FOXP1: variants seen among roughly 807,000 people sequenced by gnomAD.
The protein encoded by FOXP1 is forkhead box P1.
In FOXP1, 15 loss-of-function variants were observed where a neutral mutation model predicts 98.2. The ratio of observed to expected loss-of-function variants is 0.15; its 90% CI spans 0.10 to 0.24. The LOEUF is 0.24. Among genes scored for constraint, FOXP1 ranks in the 10% least tolerant of loss-of-function variants. FOXP1 has a pLI of 1.00. For synonymous variants in FOXP1, 371 were observed against 314.5 expected, an observed-to-expected ratio of 1.18 and a Z score of -1.90; for missense variants, 633 against 848.5, an observed-to-expected ratio of 0.75 and a Z score of 3.15.
At chr3:71,247,644 ATC>A (rs2067857654) in intron 5 of FOXP1, among the ~76,000 whole-genome samples, 1 of 152,212 alleles carries the variant, frequency 6.6e-6, no homozygotes, top group African/African-American at 2.4e-5. Flanking sequence ...GGTAGTGGAT[ATC>A]TGTTGTTTTT....
At chr3:71,180,312 C>G (rs1474190692) in intron 6 of FOXP1, among the ~76,000 whole-genome samples, 1 of 152,052 alleles carries the variant, frequency 6.6e-6, no homozygotes, top group African/African-American at 2.4e-5. Flanking sequence ...GCCTAGGAAG[C>G]TACTGATTAT....
At chr3:71,282,652 A>G (rs997337938) in intron 5 of FOXP1, among the ~76,000 whole-genome samples, 20 of 152,172 alleles carry the variant, frequency 1.3e-4, no homozygotes, top group Admixed American at 2.6e-4. Context: ...TTACTTCCTC[A>G]AGATCAGAAA....
chr3:71,268,075 T>TTTTTC (rs1159332884), intron 5 of FOXP1, among the ~76,000 whole-genome samples: 7 of 148,550 alleles, frequency 4.7e-5, no homozygotes, highest in East Asian at 4.2e-4. Context: ...CAGCTTCTTT[T>TTTTTC]TTTTCTTTTC....
chr3:71,280,132 A>C (rs867314877), intron 5 of FOXP1, among the ~76,000 whole-genome samples: 1 of 77,064 alleles, frequency 1.3e-5, no homozygotes, highest in African/African-American at 5.1e-5. Context: ...CAAACAAAAA[A>C]AAAAAAAAAA....
rs539850111 is a variant in FOXP1, at chr3:71,455,677, G to A, written c.-168+37749C>T. 9.2e-5 allele frequency among the ~76,000 whole-genome samples: 14 copies of A among 152,152 alleles called. No individual in the cohort carries two copies. The South Asian group carries it at 2.9e-3, about 32-fold the overall frequency. ...TCTTAAAGGCCCAAGTTTCAATTTGGGAGAAGAAGCCCAAATGTTTTTTGT... is the reference window on the plus strand; with the variant it reads ...TCTTAAAGGCCCAAGTTTCAATTTGAGAGAAGAAGCCCAAATGTTTTTTGT... On this transcript the variant is annotated intron_variant, in intron 3 of 20. Coordinates refer to ENST00000649528, the MANE Select transcript of FOXP1 (RefSeq NM_001349338.3).
chr3:71,371,884 C>T lies in FOXP1; in HGVS notation c.-167-12640G>A, dbSNP rs143525751. On this transcript the variant is annotated intron_variant, in intron 3 of 20. Coordinates refer to ENST00000649528, the MANE Select transcript of FOXP1 (RefSeq NM_001349338.3). ...TCTCTAATAACCACATGGAGCCACA[C>T]TGGTCTTTCTGACCCCACACCACAC... Among the ~76,000 whole-genome samples the T allele has an allele frequency of 5.1e-3, 777 of 152,318 alleles. 5 individuals carry two copies. Among genetic ancestry groups the T allele is most frequent in the South Asian group, 0.011 (54 of 4,828 alleles).
At chr3:71,263,283 CTAAAAG>C (rs1006960025) in intron 5 of FOXP1, among the ~76,000 whole-genome samples, 1 of 152,144 alleles carries the variant, frequency 6.6e-6, no homozygotes, top group Non-Finnish European at 1.5e-5. Context: ...TGTTTAAAAA[CTAAAAG>C]TAAAACAACA....
At chr3:70,969,258 G>C (rs2035655797) in intron 19 of FOXP1, 1 of 152,064 alleles carries the variant, frequency 6.6e-6, no homozygotes, top group Non-Finnish European at 1.5e-5. Flanking sequence ...CTAATGAATG[G>C]TATTTACAGT....
At chr3:71,132,981 T>A (rs560065682) in intron 6 of FOXP1, among the ~76,000 whole-genome samples, 29 of 147,482 alleles carry the variant, frequency 2.0e-4, no homozygotes, top group Non-Finnish European at 1.9e-4. Context: ...TCTCTAACCA[T>A]AAAAAAAAAA....
chr3:71,050,314 T>C (rs2049692580), intron 9 of FOXP1, among the ~76,000 whole-genome samples: 1 of 152,196 alleles, frequency 6.6e-6, no homozygotes, highest in Admixed American at 6.5e-5. Flanking sequence ...TCTCCCAGCA[T>C]GCAGACGTGC....
intron 2 of FOXP1, chr3:71,570,132 G>A (rs191279759): frequency 3.3e-5 from 5 of 152,312 alleles, no homozygotes; most frequent in Admixed American, 6.5e-5. Context: ...CCCTACCTGA[G>A]GGGTCAGGGC....
At chr3:71,450,983 G>A (rs932642416) in intron 3 of FOXP1, among the ~76,000 whole-genome samples, 2 of 152,088 alleles carry the variant, frequency 1.3e-5, no homozygotes, top group Non-Finnish European at 2.9e-5. Context: ...TGACATTCCT[G>A]GCCTGTTCAA....
chr3:71,136,821 A>AC (rs201489036), intron 6 of FOXP1, among the ~76,000 whole-genome samples: 360 of 151,226 alleles, frequency 2.4e-3, no homozygotes, highest in Non-Finnish European at 3.1e-3. Flanking sequence ...AAATACAACA[A>AC]AAAAAAAAGA....
intron 3 of FOXP1, among the ~76,000 whole-genome samples, chr3:71,434,681 G>C (rs567350248): frequency 6.6e-6 from 1 of 150,884 alleles, no homozygotes; most frequent in East Asian, 1.9e-4. Flanking sequence ...AGGGGATGGA[G>C]GGAGGTGAGG....
At chr3:71,261,395 T>C (rs1036818535) in intron 5 of FOXP1, among the ~76,000 whole-genome samples, 1 of 152,114 alleles carries the variant, frequency 6.6e-6, no homozygotes. Flanking sequence ...ATTATTTTCA[T>C]ATATTTAAAT....
rs140364178 is a variant in FOXP1 at position 71,428,526 on chromosome 3, A to G, written c.-168+64900T>C. Among the ~76,000 whole-genome samples, 1,234 of 152,382 alleles carry G rather than the reference A, an allele frequency of 8.1e-3. 16 individuals carry two copies. Among genetic ancestry groups the G allele is most frequent in the African/African-American group, 0.028 (1,177 of 41,590 alleles). ...TGGAAAGCAATCAGCTTATTAGCAGAGAATGGGCTACTGTATCTTAACAAG... is the reference window on the plus strand; with the variant it reads ...TGGAAAGCAATCAGCTTATTAGCAGGGAATGGGCTACTGTATCTTAACAAG... On this transcript the variant is annotated intron_variant, in intron 3 of 20. Transcript: ENST00000649528.
At chr3:71,261,349 C>A (rs2069119838) in intron 5 of FOXP1, among the ~76,000 whole-genome samples, 1 of 151,658 alleles carries the variant, frequency 6.6e-6, no homozygotes, top group Admixed American at 6.6e-5. Flanking sequence ...ACTTTAGTTT[C>A]CAGTTCTGCA....
chr3:71,391,113 C>G (rs1314090937), intron 3 of FOXP1, among the ~76,000 whole-genome samples: 1 of 152,196 alleles, frequency 6.6e-6, no homozygotes, highest in African/African-American at 2.4e-5. Context: ...AATGGAAGAT[C>G]TAAGTATTCT....
chr3:71,160,264 T>C (rs950193226), intron 6 of FOXP1, among the ~76,000 whole-genome samples: 6 of 152,134 alleles, frequency 3.9e-5, no homozygotes, highest in African/African-American at 1.4e-4. Flanking sequence ...TGGTCTCTGT[T>C]TGGGCTGTGG....
Sources: gnomAD v4.1 joint callset for allele counts (sites outside exome capture counted in the v4.1 genomes callset) on GRCh38, gnomAD v4.1.1 for gene constraint, MANE v1.5 for transcripts, NCBI Gene and HGNC (gene_info 2026-07-23, HGNC 2026-07-21) for gene names.